The following MAP4K3 variants were observed in gnomAD, a reference collection of about 807,000 sequenced individuals.
MAP4K3 encodes MAPK/ERK kinase kinase kinase 3.
Under a neutral mutation model 143.5 loss-of-function variants are expected in MAP4K3, and 94 were observed. That is an observed-to-expected ratio of 0.65 (90% confidence interval 0.55 to 0.78). The LOEUF (loss-of-function observed/expected upper bound fraction) is 0.78. Among genes scored for constraint, MAP4K3 ranks in the 30% least tolerant of loss-of-function variants. The pLI is 0.00. For missense variants in MAP4K3, 1,077 were observed against 1,068.1 expected (o/e 1.01, Z -0.12); for synonymous variants, 416 against 347.2 (o/e 1.20, Z -2.20).
At chr2:39,423,450 T>C (rs144855581) in intron 1 of MAP4K3, among the ~76,000 whole-genome samples, 2 of 152,332 alleles carry the variant, frequency 1.3e-5, no homozygotes, top group Non-Finnish European at 2.9e-5. Context: ...TTTATGTCCA[T>C]ATAAAAACCT....
chr2:39,308,047 G>C, intron 14 of MAP4K3, 42 bp from the exon 15 acceptor site: 1 of 1,392,658 alleles, frequency 7.2e-7, no homozygotes, highest in East Asian at 2.4e-5. Context: ...TTTACGCTTA[G>C]ACTAAAAGCC....
chr2:39,267,149 G>A (rs760326034), intron 27 of MAP4K3, 40 bp downstream of exon 27: 24 of 1,583,992 alleles, frequency 1.5e-5, no homozygotes, highest in South Asian at 7.7e-5. Context: ...ATTTTAGGAG[G>A]AGTCTCAGAG....
intron 15 of MAP4K3, among the ~76,000 whole-genome samples, chr2:39,305,848 A>C (rs1279447675): frequency 6.8e-6 from 1 of 147,750 alleles, no homozygotes; most frequent in Non-Finnish European, 1.5e-5. Flanking sequence ...TTTTTTTTTT[A>C]AAGATGGAGT....
At chr2:39,357,976 T>G (rs1295796554) in intron 2 of MAP4K3, among the ~76,000 whole-genome samples, 2 of 152,220 alleles carry the variant, frequency 1.3e-5, no homozygotes, top group Non-Finnish European at 2.9e-5. Context: ...CTGAGAGTTA[T>G]TAGTAGTCAT....
At chr2:39,403,785 C>T (rs534000191) in intron 1 of MAP4K3, among the ~76,000 whole-genome samples, 1 of 151,174 alleles carries the variant, frequency 6.6e-6, no homozygotes, top group East Asian at 2.0e-4. Context: ...TGTGCCACCC[C>T]TCCCCTAACC....
chr2:39,331,214 C>G (rs952431105), intron 8 of MAP4K3, among the ~76,000 whole-genome samples: 3 of 152,096 alleles, frequency 2.0e-5, no homozygotes, highest in Non-Finnish European at 4.4e-5. Flanking sequence ...TTCCAGGGTG[C>G]TGTTACTTCA....
intron 6 of MAP4K3, among the ~76,000 whole-genome samples, chr2:39,334,574 T>G (rs886621821): frequency 1.1e-4 from 17 of 152,126 alleles, no homozygotes; most frequent in Non-Finnish European, 2.4e-4. Context: ...AGCAGGGATT[T>G]TAACTTGATC....
At chr2:39,279,320 G>A (rs1291965642) in intron 23 of MAP4K3, among the ~76,000 whole-genome samples, 1 of 152,160 alleles carries the variant, frequency 6.6e-6, no homozygotes, top group Admixed American at 6.5e-5. Context: ...TGGTCAGACA[G>A]TATTGGATTT....
chr2:39,262,833 G>A (rs979659020), intron 28 of MAP4K3, among the ~76,000 whole-genome samples: 2 of 151,958 alleles, frequency 1.3e-5, no homozygotes, highest in Non-Finnish European at 2.9e-5. Context: ...GGCTGGGTGC[G>A]GTGGCTCAAA....
intron 1 of MAP4K3, chr2:39,436,556 C>T (rs1665487694): frequency 3.6e-6 from 1 of 275,328 alleles, no homozygotes; most frequent in Admixed American, 5.2e-5. Context: ...CGCGCTGACC[C>T]TGCCAACGCA....
At chr2:39,363,849 C>CA (rs1417935702) in intron 2 of MAP4K3, among the ~76,000 whole-genome samples, 1 of 149,602 alleles carries the variant, frequency 6.7e-6, no homozygotes, top group African/African-American at 2.5e-5. Context: ...TTTTTAAGAG[C>CA]AAAGGACTTG....
chr2:39,416,060 A>G (rs1667371436), intron 1 of MAP4K3, among the ~76,000 whole-genome samples: 1 of 135,294 alleles, frequency 7.4e-6, no homozygotes, highest in Admixed American at 7.7e-5. Context: ...TTCTGATTTT[A>G]GGACTCAAAT....
At chr2:39,332,460 C>T (rs2148522255) in intron 7 of MAP4K3, among the ~76,000 whole-genome samples, 1 of 152,018 alleles carries the variant, frequency 6.6e-6, no homozygotes, top group South Asian at 2.1e-4. Flanking sequence ...ATCAGAATAT[C>T]CCCAAACTTA....
chr2:39,318,693 G>A (rs192037502), intron 12 of MAP4K3, among the ~76,000 whole-genome samples: 7 of 152,020 alleles, frequency 4.6e-5, no homozygotes, highest in Non-Finnish European at 8.8e-5. Flanking sequence ...TACATGCAAC[G>A]TGATTACAAT....
chr2:39,333,570 G>T lies in MAP4K3; in HGVS notation c.419C>A (p.Ala140Asp). The change falls in exon 7 of 34, where the codon GCT becomes GAT. Residue 140 changes from alanine to aspartate, a missense_variant. Around this residue, in one of 2 missense-constraint regions of MAP4K3, gnomAD observed 213 missense variants for 266.8 expected, o/e 0.80. Coordinates refer to ENST00000263881, the MANE Select transcript of MAP4K3 (RefSeq NM_003618.4). ...KGKMHRDIKG[A>D]NILLTDNGHV... ...ACCATTATCCGTTAATAGAATGTTA[G>T]CTCCCTTCAAAGTAACAATATTTTA... 4 of 1,598,914 alleles carry T rather than the reference G, an allele frequency of 2.5e-6. No individual in the cohort carries two copies. Among genetic ancestry groups the T allele is most frequent in the Non-Finnish European group, 3.4e-6 (4 of 1,167,868 alleles).
chr2:39,316,291 T>C (rs1182649577), intron 12 of MAP4K3, among the ~76,000 whole-genome samples: 1 of 151,954 alleles, frequency 6.6e-6, no homozygotes. Context: ...GGCTCCAACA[T>C]AAGAAAAAGA....
chr2:39,371,141 C>G (rs1418217371), intron 2 of MAP4K3, among the ~76,000 whole-genome samples: 4 of 152,072 alleles, frequency 2.6e-5, no homozygotes, highest in Non-Finnish European at 4.4e-5. Context: ...ATGAGGAAAA[C>G]TACACGCCAG....
chr2:39,293,356 T>C, intron 16 of MAP4K3, 88 bp from the exon 17 acceptor site: 2 of 890,322 alleles, frequency 2.2e-6, no homozygotes, highest in Non-Finnish European at 3.4e-6. Context: ...ACCTTAACCA[T>C]ACATTTTTTG....
intron 2 of MAP4K3, among the ~76,000 whole-genome samples, chr2:39,361,410 A>T (rs1665767384): frequency 6.6e-6 from 1 of 152,066 alleles, no homozygotes; most frequent in South Asian, 2.1e-4. Flanking sequence ...GAATTAATGA[A>T]TTATTCTAAA....
Sources: gnomAD v4.1 joint callset for allele counts (sites outside exome capture counted in the v4.1 genomes callset) on GRCh38, gnomAD v4.1.1 for gene constraint, gnomAD v4.1.1 regional missense constraint, MANE v1.5 for transcripts, NCBI Gene and HGNC (gene_info 2026-07-23, HGNC 2026-07-21) for gene names.